GRIP1: variants seen among roughly 807,000 people sequenced by gnomAD.
GRIP1 encodes glutamate receptor-interacting protein 1.
GRIP1 carries 45 observed loss-of-function variants against 129.9 expected under a neutral mutation model. The ratio of observed to expected loss-of-function variants is 0.35; its 90% CI spans 0.27 to 0.44. GRIP1 has a LOEUF of 0.44. Ranked by LOEUF, GRIP1 falls within the 20% of genes least tolerant of loss-of-function variation. GRIP1 has a pLI of 1.00. For synonymous variants in GRIP1, 530 were observed against 520.8 expected (o/e 1.02, Z -0.24); for missense variants, 1,196 against 1,396.8 (o/e 0.86, Z 2.29).
intron 4 of GRIP1, among the ~76,000 whole-genome samples, chr12:66,534,576 T>C (rs1861291755): frequency 6.6e-6 from 1 of 152,162 alleles, no homozygotes; most frequent in African/African-American, 2.4e-5. Context: ...TTGGTCCTCG[T>C]GTACCTCATT....
intron 1 of GRIP1, among the ~76,000 whole-genome samples, chr12:66,765,307 C>T (rs1012017850): frequency 6.6e-6 from 1 of 152,140 alleles, no homozygotes; most frequent in African/African-American, 2.4e-5. Flanking sequence ...GGGTTTCTAG[C>T]CTTCATCTGA....
At chr12:67,012,285 C>T (rs938217644) in intron 1 of GRIP1, among the ~76,000 whole-genome samples, 7 of 152,074 alleles carry the variant, frequency 4.6e-5, no homozygotes, top group Admixed American at 2.6e-4. Flanking sequence ...AAAAGCATTT[C>T]GTAAACCACA....
intron 15 of GRIP1, among the ~76,000 whole-genome samples, chr12:66,419,046 T>G (rs906370133): frequency 1.3e-5 from 2 of 152,152 alleles, no homozygotes; most frequent in African/African-American, 4.8e-5. Context: ...GCAACATAAG[T>G]GTCCACTGAG....
chr12:66,660,300 A>G (rs1009416063), intron 1 of GRIP1, among the ~76,000 whole-genome samples: 1 of 152,184 alleles, frequency 6.6e-6, no homozygotes, highest in Non-Finnish European at 1.5e-5. Context: ...CTCCTATTAT[A>G]ATAATGCACC....
chr12:66,964,219 T>C (rs2041963966), intron 1 of GRIP1, among the ~76,000 whole-genome samples: 1 of 152,146 alleles, frequency 6.6e-6, no homozygotes, highest in Non-Finnish European at 1.5e-5. Flanking sequence ...ATTTTTTTGT[T>C]GAATACCTTC....
chr12:66,629,096 T>C (rs2030440397), intron 1 of GRIP1, among the ~76,000 whole-genome samples: 1 of 152,258 alleles, frequency 6.6e-6, no homozygotes, highest in South Asian at 2.1e-4. Context: ...CATATTAGCA[T>C]GCAAAATTTA....
In GRIP1 at chr12:66,383,907, T is replaced by C. The variant is rs553937750; in HGVS notation, c.2465-4471A>G. ...AGAAGGCTCCTTACATCTTTGCTACTGCTGTCTGGAATGCAAATGAAATTG... is the reference window on the plus strand; with the variant it reads ...AGAAGGCTCCTTACATCTTTGCTACCGCTGTCTGGAATGCAAATGAAATTG... On this transcript the variant is annotated intron_variant, in intron 19 of 24. Transcript: ENST00000359742. Among the ~76,000 whole-genome samples, 5 of 152,320 alleles carry C rather than the reference T, an allele frequency of 3.3e-5. No homozygotes were observed. The East Asian group carries it at 5.8e-4, about 18-fold the overall frequency.
At chr12:66,586,736 G>A (rs1294887486) in intron 2 of GRIP1, among the ~76,000 whole-genome samples, 1 of 152,028 alleles carries the variant, frequency 6.6e-6, no homozygotes, top group Non-Finnish European at 1.5e-5. Context: ...TTTGTCAGTA[G>A]GTTATTTAGG....
chr12:67,019,742 G>A (rs547681866), intron 1 of GRIP1, among the ~76,000 whole-genome samples: 2 of 151,786 alleles, frequency 1.3e-5, no homozygotes, highest in Non-Finnish European at 1.5e-5. Flanking sequence ...AATAAATGTA[G>A]AATTTATCCT....
intron 7 of GRIP1, among the ~76,000 whole-genome samples, chr12:66,493,507 T>A (rs1011941490): frequency 5.9e-5 from 9 of 152,174 alleles, no homozygotes; most frequent in African/African-American, 2.2e-4. Context: ...CAAGGGTATT[T>A]GAAAGTGATA....
chr12:66,482,040 A>G (rs1271561819), intron 7 of GRIP1, among the ~76,000 whole-genome samples: 3 of 152,150 alleles, frequency 2.0e-5, no homozygotes, highest in African/African-American at 7.2e-5. Flanking sequence ...TGGCATGTGT[A>G]TACCTATGTA....
chr12:67,006,096 C>T (rs2042622240), intron 1 of GRIP1, among the ~76,000 whole-genome samples: 1 of 152,072 alleles, frequency 6.6e-6, no homozygotes, highest in South Asian at 2.1e-4. Context: ...AAAGACAGTA[C>T]CAGTTTTCTT....
chr12:66,763,995 A>T (rs372518589), intron 1 of GRIP1, among the ~76,000 whole-genome samples: 1 of 152,218 alleles, frequency 6.6e-6, no homozygotes, highest in Non-Finnish European at 1.5e-5. Context: ...GCTATGAGAC[A>T]TTGTGTCCAT....
At chr12:66,608,484 C>T (rs2064640677) in intron 1 of GRIP1, among the ~76,000 whole-genome samples, 1 of 152,118 alleles carries the variant, frequency 6.6e-6, no homozygotes, top group Non-Finnish European at 1.5e-5. Context: ...AGGTGCATAC[C>T]ACCATGACTG....
chr12:66,938,914 GC>G (rs1373529844), intron 1 of GRIP1, among the ~76,000 whole-genome samples: 1 of 152,070 alleles, frequency 6.6e-6, no homozygotes, highest in African/African-American at 2.4e-5. Context: ...CCGAGATGGT[GC>G]CATTGCACTC....
At chr12:66,400,736 A>G (rs2056957241) in intron 16 of GRIP1, among the ~76,000 whole-genome samples, 1 of 152,206 alleles carries the variant, frequency 6.6e-6, no homozygotes, top group Non-Finnish European at 1.5e-5. Context: ...ATAGCTGTAT[A>G]TTTGATTGAC....
At chr12:66,452,743 T>C (rs2058843692) in intron 11 of GRIP1, among the ~76,000 whole-genome samples, 3 of 152,270 alleles carry the variant, frequency 2.0e-5, no homozygotes, top group Middle Eastern at 3.4e-3. Flanking sequence ...AAATAAACCA[T>C]GGTATACTAA....
At chr12:66,923,818 G>C (rs1372856575) in intron 1 of GRIP1, among the ~76,000 whole-genome samples, 2 of 151,988 alleles carry the variant, frequency 1.3e-5, no homozygotes, top group Non-Finnish European at 2.9e-5. Context: ...GCTTTCAAAA[G>C]GATTAAATGA....
At chr12:66,806,799 A>G (rs1402897183), upstream of GRIP1, among the ~76,000 whole-genome samples, 3 of 145,852 alleles carry the variant, frequency 2.1e-5, no homozygotes, top group African/African-American at 5.0e-5. Flanking sequence ...ATAAGCACCT[A>G]TTTTTTTTTT....
Sources: allele counts gnomAD v4.1 joint callset (sites outside exome capture counted in the v4.1 genomes callset), GRCh38; gene constraint gnomAD v4.1.1; transcripts MANE v1.5; gene names NCBI Gene and HGNC (gene_info 2026-07-23, HGNC 2026-07-21).